GALNT6: variants seen among roughly 807,000 people sequenced by gnomAD.
GALNT6 encodes the protein polypeptide N-acetylgalactosaminyltransferase 6.
A neutral mutation model predicts 65.9 loss-of-function variants in GALNT6; 51 were observed. The observed-to-expected ratio is 0.77, with a 90% CI of 0.62 to 0.98. The LOEUF is 0.98. GALNT6 is among the 50% of genes least tolerant of loss of function. The pLI is 0.00. For missense variants in GALNT6, 708 were observed against 803.3 expected (o/e 0.88, Z 1.43); for synonymous variants, 323 against 315.1 (o/e 1.02, Z -0.26).
intron 3 of GALNT6, among the ~76,000 whole-genome samples, chr12:51,378,582 G>A (rs916784629): frequency 1.3e-5 from 2 of 152,164 alleles, no homozygotes; most frequent in African/African-American, 4.8e-5. Flanking sequence ...GAAATCTGGG[G>A]ATGAGGGCTG....
At position 51,377,367 on chromosome 12, in the gene GALNT6, C is replaced by T; in HGVS notation, c.492G>A (p.Glu164=). Residue 164 remains glutamate (E), a splice_region_variant and synonymous_variant, in exon 4 of 12, where the codon GAG becomes GAA. Transcript: ENST00000356317. The part of the protein sequence containing the change: ...RSLGPDTRPP[E]CVDQKFRRCP... ...AGCGCCGGAACTTCTGGTCCACACA[C>T]CTGGAAGTATGAAAGTACGGACAAA... The T allele has an allele frequency of 6.2e-7, 1 of 1,612,220 alleles. No individual in the cohort carries two copies. The highest frequency in any genetic ancestry group is 2.2e-5 in the East Asian group (1 of 44,886).
chr12:51,387,270 GTAT>G lies in GALNT6; in HGVS notation c.-104+3577_-104+3579del, dbSNP rs1947874100. On this transcript the variant is annotated intron_variant, in intron 2 of 11. Coordinates refer to ENST00000356317, the MANE Select transcript of GALNT6 (RefSeq NM_007210.4). This position sits in a 1 kb window ranked among gnomAD's most constrained non-coding sequence, Gnocchi z 4.2. Reference sequence around the variant, plus strand: ...CCGCCACCACGTCCGGCTAATTTTTGTATTTTTTTAGTAGAGACAGTGTTTCGC... The same window carrying G: ...CCGCCACCACGTCCGGCTAATTTTTGTTTTTTAGTAGAGACAGTGTTTCGC... 6.6e-6 allele frequency among the ~76,000 whole-genome samples: 1 copy of G among 152,024 alleles called. No individual in the cohort carries two copies. The highest frequency in any genetic ancestry group is 1.5e-5 in the Non-Finnish European group (1 of 67,988).
Position 51,364,148 on chromosome 12 carries a change from C to A in GALNT6, c.1022G>T (p.Arg341Met), listed in dbSNP as rs747504266. Reference sequence around the variant, plus strand: ...GATGGGGTAGGTTTCATCCTTGCGCCTCTGCTTCTCATGTGGAGGAAGTGT... The same window carrying A: ...GATGGGGTAGGTTTCATCCTTGCGCATCTGCTTCTCATGTGGAGGAAGTGT... ...WETLPPHEKQ[R>M]RKDETYPIKS... Residue 341 changes from arginine to methionine, a missense_variant, in exon 6 of 12, where the codon AGG (arginine) becomes ATG (methionine). Physicochemically the swap from Arg to Met is moderately conservative, Grantham distance 91. Transcript: ENST00000356317. 2 of 1,614,092 alleles carry A rather than the reference C, an allele frequency of 1.2e-6. No homozygotes were observed. Among genetic ancestry groups the A allele is most frequent in the South Asian group, 2.2e-5 (2 of 91,078 alleles).
At chr12:51,380,472 G>A (rs1947627062) in intron 2 of GALNT6, among the ~76,000 whole-genome samples, 1 of 152,134 alleles carries the variant, frequency 6.6e-6, no homozygotes, top group African/African-American at 2.4e-5. Context: ...AAAAGCAAGT[G>A]ACAAAAGGAT....
intron 5 of GALNT6, among the ~76,000 whole-genome samples, chr12:51,364,619 C>G (rs1395404928): frequency 6.6e-6 from 1 of 152,220 alleles, no homozygotes; most frequent in Non-Finnish European, 1.5e-5. Context: ...CCCAAAAGCA[C>G]AGGGAGGCCC....
intron 9 of GALNT6, among the ~76,000 whole-genome samples, chr12:51,357,747 T>C (rs902667207): frequency 6.6e-6 from 1 of 152,104 alleles, no homozygotes; most frequent in South Asian, 2.1e-4. Flanking sequence ...GGGAGTTTCC[T>C]TATAAGCAGT....
intron 2 of GALNT6, among the ~76,000 whole-genome samples, chr12:51,389,165 G>A (rs143535351): frequency 6.6e-6 from 1 of 152,218 alleles, no homozygotes; most frequent in Non-Finnish European, 1.5e-5. Flanking sequence ...TTCCCAGAAA[G>A]GGGCAGAGGA....
At chr12:51,391,499 G>A (rs1948104865), upstream of GALNT6, 1 of 155,468 alleles carries the variant, frequency 6.4e-6, no homozygotes, top group Non-Finnish European at 1.4e-5. Context: ...GTGAGAGCGA[G>A]GACTCGGCAG....
intron 6 of GALNT6, among the ~76,000 whole-genome samples, chr12:51,362,660 C>T (rs904997373): frequency 1.3e-5 from 2 of 152,118 alleles, no homozygotes; most frequent in Non-Finnish European, 2.9e-5. Flanking sequence ...GGATCTGTTG[C>T]AGTGCACACC....
intron 2 of GALNT6, among the ~76,000 whole-genome samples, chr12:51,389,081 T>A (rs1242543804): frequency 6.6e-6 from 1 of 152,172 alleles, no homozygotes; most frequent in East Asian, 1.9e-4. Context: ...AGACAGGCAC[T>A]GCCCTGCACT....
Position 51,379,408 on chromosome 12 carries a change from C to T in GALNT6, c.374G>A (p.Trp125Ter), listed in dbSNP as rs1267810680. The T allele has an allele frequency of 6.2e-7, 1 of 1,608,624 alleles. No individual in the cohort carries two copies. The highest frequency in any genetic ancestry group is 1.7e-5 in the Admixed American group (1 of 58,944). Residue 125 changes from tryptophan to a stop codon, truncating the protein, a stop_gained, in exon 3 of 12, where the codon TGG becomes TAG. Coordinates refer to ENST00000356317, the MANE Select transcript of GALNT6 (RefSeq NM_007210.4). LOFTEE classifies it high-confidence loss of function. ...ADGKAFQKSK[W>*]TPLETQEKEE... Reference sequence around the variant, plus strand: ...CTTTTCCTGGGTCTCCAGGGGGGTCCACTTGCTCTTCTGAAATGCTTTTCC... The same window carrying T: ...CTTTTCCTGGGTCTCCAGGGGGGTCTACTTGCTCTTCTGAAATGCTTTTCC...
chr12:51,374,147 A>G (rs767101169), intron 4 of GALNT6, among the ~76,000 whole-genome samples: 21 of 151,982 alleles, frequency 1.4e-4, no homozygotes, highest in South Asian at 4.2e-4. Flanking sequence ...GGCATGAGCT[A>G]CTGTGCTTGG....
At chr12:51,362,465 C>A (rs531012328) in intron 6 of GALNT6, among the ~76,000 whole-genome samples, 74 of 152,218 alleles carry the variant, frequency 4.9e-4, no homozygotes, top group Non-Finnish European at 8.4e-4. Context: ...CCTCGGCAAG[C>A]CATGCATGCT....
chr12:51,368,685 C>G (rs555983791), intron 4 of GALNT6, among the ~76,000 whole-genome samples: 1 of 152,148 alleles, frequency 6.6e-6, no homozygotes, highest in African/African-American at 2.4e-5. Flanking sequence ...GAATTACAGG[C>G]GTGAGCCACT....
intron 4 of GALNT6, among the ~76,000 whole-genome samples, chr12:51,368,835 G>A (rs1012430857): frequency 6.6e-6 from 1 of 152,170 alleles, no homozygotes; most frequent in Non-Finnish European, 1.5e-5. Flanking sequence ...CAGGAATGAG[G>A]CCTCTTATCT....
At position 51,379,405 on chromosome 12, in the gene GALNT6, G is replaced by C; in HGVS notation, c.377C>G (p.Thr126Ser). 1 of 1,607,720 alleles carries C rather than the reference G, an allele frequency of 6.2e-7. No homozygotes were observed. The highest frequency in any genetic ancestry group is 8.5e-7 in the Non-Finnish European group (1 of 1,176,952). The change falls in exon 3 of 12, where the codon ACC becomes AGC. Residue 126 changes from threonine (T) to serine (S), a missense_variant. By Grantham distance (58) the Thr-to-Ser change is moderately conservative. Transcript: ENST00000356317. ...DGKAFQKSKW[T>S]PLETQEKEEG... The stretch of plus-strand genomic sequence containing the variant: ...TTCCTTTTCCTGGGTCTCCAGGGGG[G>C]TCCACTTGCTCTTCTGAAATGCTTT...
chr12:51,384,317 T>C (rs1947761158), intron 2 of GALNT6, among the ~76,000 whole-genome samples: 1 of 152,232 alleles, frequency 6.6e-6, no homozygotes, highest in Non-Finnish European at 1.5e-5. Flanking sequence ...CCAGCTTGTA[T>C]CAAACTGCTG....
At chr12:51,369,217 C>A (rs1947211001) in intron 4 of GALNT6, among the ~76,000 whole-genome samples, 1 of 152,166 alleles carries the variant, frequency 6.6e-6, no homozygotes, top group Non-Finnish European at 1.5e-5. Flanking sequence ...GGGCCCCGAG[C>A]ACTACAAAGC....
chr12:51,368,395 GTTT>G (rs34661831), intron 4 of GALNT6, among the ~76,000 whole-genome samples: 26 of 135,742 alleles, frequency 1.9e-4, no homozygotes, highest in South Asian at 9.1e-4. Context: ...TTTTTTCCAT[GTTT>G]TTTTTTTTTT....
Sources: allele counts gnomAD v4.1 joint callset (sites outside exome capture counted in the v4.1 genomes callset), GRCh38; gene constraint gnomAD v4.1.1; non-coding constraint Gnocchi (gnomAD v3.1); transcripts MANE v1.5; gene names NCBI Gene and HGNC (gene_info 2026-07-23, HGNC 2026-07-21).